Variants in HOXC6 observed in about 807,000 individuals in gnomAD.
The protein encoded by HOXC6 is homeobox C6.
In HOXC6, 10 loss-of-function variants were observed where a neutral mutation model predicts 24.0. The ratio of observed to expected loss-of-function variants is 0.42; its 90% confidence interval spans 0.26 to 0.71. The LOEUF (loss-of-function observed/expected upper bound fraction) is 0.71, where lower values mean the gene tolerates loss of function less well. Among genes scored for constraint, HOXC6 ranks in the 30% least tolerant of loss-of-function variants. HOXC6 has a pLI of 0.28. For missense variants in HOXC6, 258 were observed against 303.4 expected (o/e 0.85, Z 1.11); for synonymous variants, 123 against 128.1 (o/e 0.96, Z 0.27).
Position 54,018,714 on chromosome 12 carries a change from G to C in HOXC6, c.-193+1300G>C, listed in dbSNP as rs538397473. ...GTGTGAATTTCTGTTTATAAACGGCGACGCACACGCAAACGCCTACACACC... is the reference window on the plus strand; with the variant it reads ...GTGTGAATTTCTGTTTATAAACGGCCACGCACACGCAAACGCCTACACACC... On this transcript the variant is annotated intron_variant, in intron 1 of 2. Transcript: ENST00000394331. Among the ~76,000 whole-genome samples, 41 of 152,064 alleles carry C rather than the reference G, an allele frequency of 2.7e-4. 1 individual carries two copies. In the East Asian group the frequency reaches 3.1e-3, roughly 11 times the overall value.
At position 54,029,782 on chromosome 12, in the gene HOXC6, C is replaced by A; in HGVS notation, c.528C>A (p.Asn176Lys). 5 of 1,614,088 alleles carry A rather than the reference C, an allele frequency of 3.1e-6. No individual in the cohort carries two copies. The highest frequency in any genetic ancestry group is 4.2e-6 in the Non-Finnish European group (5 of 1,180,018). The change falls in exon 2 of 2, where the codon AAC becomes AAA. Residue 176 changes from asparagine to lysine, a missense_variant. By Grantham distance (94) the Asn-to-Lys change is moderately conservative. Transcript: ENST00000243108. ...GGCGCCGGCGCATCGAGATCGCCAACGCGCTTTGCCTGACCGAGCGACAGA... is the reference window on the plus strand; with the variant it reads ...GGCGCCGGCGCATCGAGATCGCCAAAGCGCTTTGCCTGACCGAGCGACAGA... Reference protein sequence around the residue: ...LTRRRRIEIANALCLTERQIK... With the variant: ...LTRRRRIEIAKALCLTERQIK...
upstream of HOXC6, among the ~76,000 whole-genome samples, chr12:54,024,388 G>A (rs191205734): frequency 1.3e-5 from 2 of 152,264 alleles, no homozygotes; most frequent in Admixed American, 1.3e-4. Context: ...TTGCAGCGCG[G>A]CAGTCAGGAA....
upstream of HOXC6, among the ~76,000 whole-genome samples, chr12:54,026,477 T>A (rs1051544002): frequency 6.6e-6 from 1 of 152,238 alleles, no homozygotes; most frequent in Non-Finnish European, 1.5e-5. Context: ...TTTTTCTTAA[T>A]TTAAAAATCC....
chr12:54,024,782 C>T (rs1940615934), upstream of HOXC6, among the ~76,000 whole-genome samples: 1 of 152,168 alleles, frequency 6.6e-6, no homozygotes, highest in Non-Finnish European at 1.5e-5. Flanking sequence ...AGTGCCCAGG[C>T]TGCAATGCCA....
intron 1 of HOXC6, chr12:54,021,091 G>A (rs1366508245): frequency 6.5e-6 from 1 of 152,856 alleles, no homozygotes; most frequent in East Asian, 1.9e-4. Flanking sequence ...TCTGGACAGT[G>A]ATCTGGGGCA....
At position 54,029,982 on chromosome 12, in the gene HOXC6, C is replaced by T. The variant is rs1444203486; in HGVS notation, c.*20C>T. The T allele has an allele frequency of 1.3e-6, 2 of 1,505,262 alleles. No individual in the cohort carries two copies. Among genetic ancestry groups the T allele is most frequent in the Admixed American group, 4.8e-5 (2 of 41,884 alleles). The allele number at this position is 1,505,262 out of a possible 1,614,324, so 93.2% of individuals were successfully genotyped here. A position where few individuals can be genotyped will look rare whatever the true frequency, so the allele number is the denominator to read the frequency against. The stretch of plus-strand genomic sequence containing the variant: ...GAGTGACCAGGACTGTCCCTGCCAC[C>T]CCTCTCTCCCTTTCTCCCTCGCTCC... On this transcript the variant is annotated 3_prime_UTR_variant, in exon 2 of 2. Coordinates refer to ENST00000243108, the MANE Select transcript of HOXC6 (RefSeq NM_004503.4).
At chr12:54,026,950 C>T (rs958230038), upstream of HOXC6, among the ~76,000 whole-genome samples, 1 of 131,074 alleles carries the variant, frequency 7.6e-6, no homozygotes, top group Non-Finnish European at 1.6e-5. Context: ...CCCCCCCAAC[C>T]CACCCAAAAA....
chr12:54,019,568 G>T (rs1325045739), intron 1 of HOXC6, among the ~76,000 whole-genome samples: 1 of 152,112 alleles, frequency 6.6e-6, no homozygotes, highest in East Asian at 1.9e-4. Flanking sequence ...GGCCGCTGAT[G>T]GGGGGGAACA....
intron 1 of HOXC6, chr12:54,017,515 T>A (rs1394187321): frequency 6.7e-6 from 1 of 149,190 alleles, no homozygotes; most frequent in African/African-American, 2.5e-5. Context: ...AAGAGGGGGC[T>A]GGCGAGAGGG....
chr12:54,026,127 G>T (rs557325987), upstream of HOXC6, among the ~76,000 whole-genome samples: 2 of 152,114 alleles, frequency 1.3e-5, no homozygotes, highest in South Asian at 2.1e-4. Flanking sequence ...AAATTGGAGG[G>T]GGGGACAGAG....
chr12:54,029,568 G>T (rs2136438998), intron 1 of HOXC6, 87 bp from the exon 2 acceptor site: 1 of 1,395,478 alleles, frequency 7.2e-7, no homozygotes, highest in South Asian at 1.3e-5. Flanking sequence ...TGGCCAGGTT[G>T]GGAGGGTCAG....
chr12:54,020,201 A>T (rs1194428908), intron 1 of HOXC6: 2 of 152,264 alleles, frequency 1.3e-5, no homozygotes, highest in Non-Finnish European at 2.9e-5. Flanking sequence ...AATAATAGCC[A>T]GGGTGGCTGA....
rs777251208 is a variant in HOXC6 at position 54,028,613 on chromosome 12, A to G, written c.92A>G (p.Tyr31Cys). Residue 31 changes from tyrosine (Y) to cysteine (C), a missense_variant, in exon 1 of 2, where the codon TAT becomes TGT. Tyr to Cys is a radical substitution (Grantham distance 194). Transcript: ENST00000243108. ...AACGTCGCCCTCAATTCCACCGCCT[A>G]TGATCCAGTGAGGCATTTCTCGACC... Reference protein sequence around the residue: ...LPNVALNSTAYDPVRHFSTYG... With the variant: ...LPNVALNSTACDPVRHFSTYG... 1.9e-6 allele frequency: 3 copies of G among 1,613,926 alleles called. No homozygotes were observed. The highest frequency in any genetic ancestry group is 1.7e-5 in the Admixed American group (1 of 59,986).
upstream of HOXC6, among the ~76,000 whole-genome samples, chr12:54,024,965 A>G (rs915534754): frequency 6.6e-6 from 1 of 152,118 alleles, no homozygotes; most frequent in African/African-American, 2.4e-5. Context: ...TGTTTTTTGA[A>G]TTCTGTTTTT....
chr12:54,025,483 GA>G (rs1165921589), upstream of HOXC6, among the ~76,000 whole-genome samples: 6 of 140,538 alleles, frequency 4.3e-5, no homozygotes, highest in African/African-American at 1.3e-4. Context: ...AAAGATCTAA[GA>G]GAAAGAAGAG....
At position 54,030,009 on chromosome 12, in the gene HOXC6, C is replaced by T; in HGVS notation, c.*47C>T. 1 of 1,433,264 alleles carries T rather than the reference C, an allele frequency of 7.0e-7. No homozygotes were observed. Among genetic ancestry groups the T allele is most frequent in the Non-Finnish European group, 9.3e-7 (1 of 1,073,986 alleles). 88.8% of individuals were successfully genotyped at this position (1,433,264 alleles called of 1,614,324 possible). A position where few individuals can be genotyped will look rare whatever the true frequency, so the allele number is the denominator to read the frequency against. On this transcript the variant is annotated 3_prime_UTR_variant, in exon 2 of 2. Transcript: ENST00000243108. ...CTCTCTCCCTTTCTCCCTCGCTCCC[C>T]ACCAACTCTCCCCTAATCACACACT...
At chr12:54,020,164 T>C (rs545535683) in intron 1 of HOXC6, 8 of 152,374 alleles carry the variant, frequency 5.3e-5, no homozygotes, top group Admixed American at 1.3e-4. Flanking sequence ...TGGTCCTTCC[T>C]GCAGGAGAGC....
At chr12:54,029,569 G>A in intron 1 of HOXC6, 86 bp from the exon 2 acceptor site, 1 of 1,414,068 alleles carries the variant, frequency 7.1e-7, no homozygotes, top group African/African-American at 1.4e-5. Context: ...GGCCAGGTTG[G>A]GAGGGTCAGG....
Position 54,029,950 on chromosome 12 carries a change from G to C in HOXC6, c.696G>C (p.Lys232Asn). ...EEKREETEEEKQKE is the reference protein window; with the variant it reads ...EEKREETEEENQKE ...AGCGGGAAGAGACAGAAGAGGAGAA[G>C]CAGAAAGAGTGACCAGGACTGTCCC... The change falls in exon 2 of 2, where the codon AAG (lysine) becomes AAC (asparagine). Residue 232 changes from lysine (K) to asparagine (N), a missense_variant. Coordinates refer to ENST00000243108, the MANE Select transcript of HOXC6 (RefSeq NM_004503.4). 1 of 1,577,752 alleles carries C rather than the reference G, an allele frequency of 6.3e-7. No homozygotes were observed.
Sources: gnomAD v4.1 joint callset for allele counts (sites outside exome capture counted in the v4.1 genomes callset) on GRCh38, gnomAD v4.1.1 for gene constraint, MANE v1.5 for transcripts, NCBI Gene and HGNC (gene_info 2026-07-23, HGNC 2026-07-21) for gene names.